Variants in CHRM5 observed in about 807,000 individuals in gnomAD.
The protein encoded by CHRM5 is muscarinic acetylcholine receptor M5.
A neutral mutation model predicts 39.0 loss-of-function variants in CHRM5; 18 were observed. That is an observed-to-expected ratio of 0.46 (90% CI 0.32 to 0.68). The LOEUF (loss-of-function observed/expected upper bound fraction) is 0.68. Ranked by LOEUF, CHRM5 falls within the 30% of genes least tolerant of loss-of-function variation. The pLI, the probability that CHRM5 is intolerant of heterozygous loss-of-function variation, is 0.04. For missense variants in CHRM5, 515 were observed against 651.1 expected (o/e 0.79, Z 2.28); for synonymous variants, 241 against 246.3 (o/e 0.98, Z 0.20).
At chr15:34,006,523 A>G (rs1897351922) in intron 1 of CHRM5, among the ~76,000 whole-genome samples, 1 of 152,238 alleles carries the variant, frequency 6.6e-6, no homozygotes, top group Admixed American at 6.5e-5. Context: ...TCTGGGCAAA[A>G]TAATTACCTT....
chr15:34,010,149 T>C (rs1190273924), intron 1 of CHRM5, among the ~76,000 whole-genome samples: 1 of 152,106 alleles, frequency 6.6e-6, no homozygotes. Context: ...AAAGGAACCA[T>C]ATGCTTAACA....
intron 1 of CHRM5, chr15:34,018,470 G>A (rs1251242251): frequency 6.6e-6 from 1 of 152,222 alleles, no homozygotes; most frequent in South Asian, 2.1e-4. Context: ...TTCGCAGTGA[G>A]TGTTACAGTT....
At chr15:34,060,325 A>T in intron 2 of CHRM5, among the ~76,000 whole-genome samples, 1 of 152,200 alleles carries the variant, frequency 6.6e-6, no homozygotes, top group East Asian at 1.9e-4. Context: ...AGCATGCAAG[A>T]TTGGGAAGAT....
At chr15:34,015,478 T>A (rs1043168635) in intron 1 of CHRM5, among the ~76,000 whole-genome samples, 1 of 149,178 alleles carries the variant, frequency 6.7e-6, no homozygotes, top group Non-Finnish European at 1.5e-5. Context: ...CGAGACTCCA[T>A]CTCAAAAAAT....
At chr15:34,039,691 A>T (rs1256514333) in intron 1 of CHRM5, among the ~76,000 whole-genome samples, 4 of 152,238 alleles carry the variant, frequency 2.6e-5, no homozygotes, top group African/African-American at 9.6e-5. Context: ...AAAGGGCGTC[A>T]AAGTCCTCAG....
chr15:33,995,336 T>A (rs771785395), intron 1 of CHRM5, among the ~76,000 whole-genome samples: 1 of 152,120 alleles, frequency 6.6e-6, no homozygotes, highest in Non-Finnish European at 1.5e-5. Flanking sequence ...TAAAAAATAA[T>A]ACAGTATAAC....
chr15:34,016,496 C>G (rs1442514610), intron 1 of CHRM5, among the ~76,000 whole-genome samples: 3 of 151,712 alleles, frequency 2.0e-5, no homozygotes, highest in Non-Finnish European at 2.9e-5. Flanking sequence ...CAAATTTCCC[C>G]CTTTCCCTTC....
rs1037452040 is a variant in CHRM5, at chr15:33,973,399, G to A, written c.-408+4249G>A. Among the ~76,000 whole-genome samples, 6 of 152,122 alleles carry A rather than the reference G, an allele frequency of 3.9e-5. No individual in the cohort carries two copies. In the East Asian group the frequency reaches 1.2e-3, roughly 29 times the overall value. On this transcript the variant is annotated intron_variant, in intron 1 of 2. Transcript: ENST00000383263. The stretch of plus-strand genomic sequence containing the variant: ...TACAACTCTTAATATTTCATCAACT[G>A]TATACCTTCCCTTCATTTGTGTTGC...
intron 1 of CHRM5, among the ~76,000 whole-genome samples, chr15:34,038,290 T>G (rs535268021): frequency 6.6e-6 from 1 of 152,362 alleles, no homozygotes; most frequent in African/African-American, 2.4e-5. Flanking sequence ...CTTTTTATTA[T>G]GCGCCTACTG....
intron 1 of CHRM5, among the ~76,000 whole-genome samples, chr15:33,971,626 T>C (rs1895641400): frequency 6.6e-6 from 1 of 152,074 alleles, no homozygotes; most frequent in African/African-American, 2.4e-5. Flanking sequence ...AGCATTCAAC[T>C]TAAAGGGACA....
At chr15:33,988,693 C>T (rs1399667183) in intron 1 of CHRM5, among the ~76,000 whole-genome samples, 1 of 152,116 alleles carries the variant, frequency 6.6e-6, no homozygotes, top group Non-Finnish European at 1.5e-5. Context: ...ACTTAACACA[C>T]AAGTAAAACA....
chr15:34,026,116 T>A (rs2140738302), intron 1 of CHRM5, among the ~76,000 whole-genome samples: 1 of 152,342 alleles, frequency 6.6e-6, no homozygotes, highest in East Asian at 1.9e-4. Flanking sequence ...CAGATTAAGT[T>A]TGATATTCTT....
Position 34,063,388 on chromosome 15 carries a change from C to T in CHRM5, c.671C>T (p.Thr224Ile). 1 of 1,614,068 alleles carries T rather than the reference C, an allele frequency of 6.2e-7. No individual in the cohort carries two copies. The highest frequency in any genetic ancestry group is 8.5e-7 in the Non-Finnish European group (1 of 1,180,040). ...CRIYRETEKR[T>I]KDLADLQGSD... ...ATCTACCGGGAAACAGAGAAGCGAA[C>T]CAAGGACCTGGCTGACCTCCAGGGT... is the stretch of plus-strand genomic sequence containing the variant. Residue 224 changes from threonine to isoleucine, a missense_variant, in exon 3 of 3, where the codon ACC becomes ATC. Transcript: ENST00000383263. This position sits in a 1 kb window ranked among gnomAD's most constrained non-coding sequence, Gnocchi z 4.1.
chr15:33,976,924 G>A (rs753870101), intron 1 of CHRM5, among the ~76,000 whole-genome samples: 7 of 152,118 alleles, frequency 4.6e-5, no homozygotes, highest in Non-Finnish European at 7.4e-5. Context: ...TGACATCCTG[G>A]ATGGAAGTAA....
chr15:34,057,142 GT>G (rs763552413), intron 2 of CHRM5, among the ~76,000 whole-genome samples: 60 of 148,860 alleles, frequency 4.0e-4, no homozygotes, highest in African/African-American at 1.4e-3. Context: ...GTTTTTTTTG[GT>G]TTTTTTTTTT....
intron 2 of CHRM5, among the ~76,000 whole-genome samples, chr15:34,057,284 A>G (rs953140884): frequency 4.7e-5 from 7 of 147,396 alleles, no homozygotes; most frequent in Non-Finnish European, 5.9e-5. Flanking sequence ...ATATAGGCAC[A>G]TGCCACCACG....
At chr15:33,980,040 A>G (rs1481941870) in intron 1 of CHRM5, among the ~76,000 whole-genome samples, 1 of 152,250 alleles carries the variant, frequency 6.6e-6, no homozygotes, top group Non-Finnish European at 1.5e-5. Context: ...AAGAATGAGA[A>G]TAACAAGGGA....
rs546133217 is a variant in CHRM5, at chr15:34,024,581, A to T, written c.-407-21959A>T. 2.6e-5 allele frequency among the ~76,000 whole-genome samples: 4 copies of T among 152,080 alleles called. No homozygotes were observed. In the East Asian group the frequency reaches 7.7e-4, roughly 29 times the overall value. ...ATAAATAAAAAGGAAGGCCAGGCAC[A>T]GTGGCTCACATCTGTAATCCCAGCA... is the stretch of plus-strand genomic sequence containing the variant. On this transcript the variant is annotated intron_variant, in intron 1 of 2. Coordinates refer to ENST00000383263, the MANE Select transcript of CHRM5 (RefSeq NM_012125.4).
At chr15:34,045,636 T>C (rs1899653504) in intron 1 of CHRM5, among the ~76,000 whole-genome samples, 1 of 152,138 alleles carries the variant, frequency 6.6e-6, no homozygotes, top group Non-Finnish European at 1.5e-5. Context: ...ATTAAAGTTT[T>C]CCACTGTAGT....
Sources: allele counts gnomAD v4.1 joint callset (sites outside exome capture counted in the v4.1 genomes callset), GRCh38; gene constraint gnomAD v4.1.1; non-coding constraint Gnocchi (gnomAD v3.1); transcripts MANE v1.5; gene names NCBI Gene and HGNC (gene_info 2026-07-23, HGNC 2026-07-21).